The following ANKRD55 variants were observed in gnomAD, a reference collection of about 807,000 sequenced individuals.
ANKRD55 encodes ankyrin repeat domain-containing protein 55.
ANKRD55 carries 41 observed loss-of-function variants against 60.6 expected under a neutral mutation model. The ratio of observed to expected loss-of-function variants is 0.68; its 90% confidence interval spans 0.53 to 0.88. ANKRD55 has a LOEUF of 0.88. Ranked by LOEUF, ANKRD55 falls within the 40% of genes least tolerant of loss-of-function variation. The probability of loss-of-function intolerance (pLI) is 0.00; values close to 1 mark genes in which losing one functional copy is unlikely to be tolerated. For missense variants in ANKRD55, 732 were observed against 767.6 expected, an observed-to-expected ratio of 0.95 and a Z score of 0.55; for synonymous variants, 264 against 290.3, an observed-to-expected ratio of 0.91 and a Z score of 0.92.
chr5:56,212,930 T>C (rs905811585), intron 2 of ANKRD55, among the ~76,000 whole-genome samples: 1 of 152,216 alleles, frequency 6.6e-6, no homozygotes, highest in Non-Finnish European at 1.5e-5. Flanking sequence ...GGGAAAATAA[T>C]TCATTACATG....
At chr5:56,216,268 T>C (rs1367608394) in intron 2 of ANKRD55, among the ~76,000 whole-genome samples, 4 of 152,108 alleles carry the variant, frequency 2.6e-5, no homozygotes, top group African/African-American at 9.7e-5. Flanking sequence ...GATGGTGGAC[T>C]TAAATGGATA....
chr5:56,172,894 A>G (rs1353681966), intron 4 of ANKRD55, among the ~76,000 whole-genome samples: 1 of 152,248 alleles, frequency 6.6e-6, no homozygotes, highest in African/African-American at 2.4e-5. Flanking sequence ...AAAAGCAGGC[A>G]GGGCACATAA....
intron 6 of ANKRD55, among the ~76,000 whole-genome samples, chr5:56,145,456 G>A (rs1757874281): frequency 1.3e-5 from 2 of 152,228 alleles, no homozygotes. Context: ...CTGGAATCAT[G>A]TGATTGAAAA....
rs777341526 is a variant in ANKRD55 at position 56,159,984 on chromosome 5, G to A, written c.423-91C>T. On this transcript the variant is annotated intron_variant, in intron 5 of 11. Transcript: ENST00000341048. ...ATAAAAACATGACCTTAGAAAAACC[G>A]TCAGTTGAAAGACTCCAAATGAAGA... The A allele has an allele frequency of 1.2e-5, 14 of 1,128,502 alleles. 1 individual carries two copies. The South Asian group carries it at 1.3e-4, about 10-fold the overall frequency. 69.9% of individuals were successfully genotyped at this position (1,128,502 alleles called of 1,614,324 possible).
intron 4 of ANKRD55, among the ~76,000 whole-genome samples, chr5:56,174,273 T>G (rs965840687): frequency 1.3e-5 from 2 of 152,120 alleles, no homozygotes; most frequent in African/African-American, 2.4e-5. Flanking sequence ...CTTGCATAGC[T>G]CTCTAGTCAA....
intron 7 of ANKRD55, among the ~76,000 whole-genome samples, chr5:56,134,697 G>A (rs768254186): frequency 6.6e-6 from 1 of 151,906 alleles, no homozygotes; most frequent in Non-Finnish European, 1.5e-5. Context: ...AAAATATAAC[G>A]GTTTTTTAAG....
intron 5 of ANKRD55, among the ~76,000 whole-genome samples, chr5:56,167,797 G>A (rs1003361650): frequency 6.6e-6 from 1 of 152,174 alleles, no homozygotes; most frequent in Non-Finnish European, 1.5e-5. Context: ...GCAACTTAAT[G>A]TAGATCCTCA....
chr5:56,153,758 A>T (rs1758116598), intron 6 of ANKRD55, among the ~76,000 whole-genome samples: 1 of 150,576 alleles, frequency 6.6e-6, no homozygotes, highest in Non-Finnish European at 1.5e-5. Flanking sequence ...AATGGTGTGA[A>T]CCCGGGAGGT....
At chr5:56,166,158 T>TTCTTTCTTTCCTTCC (rs58740295) in intron 5 of ANKRD55, among the ~76,000 whole-genome samples, 2 of 72,436 alleles carry the variant, frequency 2.8e-5, no homozygotes, top group African/African-American at 6.5e-5. Flanking sequence ...TTCTTTCTTC[T>TTCTTTCTTTCCTTCC]TTCCTTCCTT....
At chr5:56,120,329 C>G (rs1163008102) in intron 8 of ANKRD55, among the ~76,000 whole-genome samples, 1 of 152,136 alleles carries the variant, frequency 6.6e-6, no homozygotes, top group Non-Finnish European at 1.5e-5. Flanking sequence ...ACCAAGCCCT[C>G]TTAACACCAT....
At chr5:56,207,922 CTT>C (rs1759554209) in intron 2 of ANKRD55, among the ~76,000 whole-genome samples, 1 of 152,320 alleles carries the variant, frequency 6.6e-6, no homozygotes, top group Non-Finnish European at 1.5e-5. Context: ...TCTATTAACT[CTT>C]AAAATTTGTT....
intron 6 of ANKRD55, among the ~76,000 whole-genome samples, chr5:56,145,098 T>C (rs1561268788): frequency 2.0e-5 from 3 of 152,212 alleles, no homozygotes; most frequent in Non-Finnish European, 1.5e-5. Context: ...ACATTAATAA[T>C]AGCGCAGAGC....
At chr5:56,127,774 A>G (rs1401534225) in intron 7 of ANKRD55, 1 of 160,634 alleles carries the variant, frequency 6.2e-6, no homozygotes, top group Non-Finnish European at 1.3e-5. Flanking sequence ...CCATCTGAGT[A>G]CCAGACCCTC....
intron 2 of ANKRD55, among the ~76,000 whole-genome samples, chr5:56,202,770 G>A (rs1028557010): frequency 2.0e-5 from 3 of 152,184 alleles, no homozygotes; most frequent in Non-Finnish European, 4.4e-5. Context: ...TGCAACACAT[G>A]TTGTGTTTCT....
At chr5:56,196,064 A>C (rs913262058) in intron 2 of ANKRD55, among the ~76,000 whole-genome samples, 2 of 152,232 alleles carry the variant, frequency 1.3e-5, no homozygotes, top group Non-Finnish European at 1.5e-5. Context: ...GTTGTCATGA[A>C]TCCTGGGCTC....
chr5:56,120,862 G>C (rs1295046336), intron 8 of ANKRD55, among the ~76,000 whole-genome samples: 1 of 144,776 alleles, frequency 6.9e-6, no homozygotes, highest in African/African-American at 2.6e-5. Flanking sequence ...TCGCGCCACT[G>C]CTACTCTAGC....
intron 6 of ANKRD55, among the ~76,000 whole-genome samples, chr5:56,155,461 AT>A (rs2111784101): frequency 6.6e-6 from 1 of 152,254 alleles, no homozygotes; most frequent in Non-Finnish European, 1.5e-5. Context: ...AGGAAATTTC[AT>A]TATTATGCTA....
intron 7 of ANKRD55, chr5:56,137,586 A>G: frequency 3.1e-6 from 2 of 654,406 alleles, no homozygotes; most frequent in Non-Finnish European, 5.4e-6. Context: ...AAAGAATTCC[A>G]GGAGATAACA....
At chr5:56,205,527 C>G (rs1017394772) in intron 2 of ANKRD55, among the ~76,000 whole-genome samples, 4 of 152,164 alleles carry the variant, frequency 2.6e-5, no homozygotes, top group Admixed American at 2.0e-4. Flanking sequence ...CTGACCAAAC[C>G]CATCTTGGCA....
Sources: allele counts gnomAD v4.1 joint callset (sites outside exome capture counted in the v4.1 genomes callset), GRCh38; gene constraint gnomAD v4.1.1; transcripts MANE v1.5; gene names NCBI Gene and HGNC (gene_info 2026-07-23, HGNC 2026-07-21).